The following ATP9B variants were observed in gnomAD, a reference collection of about 807,000 sequenced individuals.
ATP9B encodes probable phospholipid-transporting ATPase IIB.
Under a neutral mutation model 146.1 loss-of-function variants are expected in ATP9B, and 110 were observed. The observed-to-expected ratio is 0.75, with a 90% CI of 0.65 to 0.88. ATP9B has a LOEUF of 0.88. Ranked by LOEUF, ATP9B falls within the 40% of genes least tolerant of loss-of-function variation. ATP9B has a pLI of 0.00. For missense variants in ATP9B, 1,499 were observed against 1,496.4 expected, an observed-to-expected ratio of 1.00 and a Z score of -0.03; for synonymous variants, 604 against 569.7, an observed-to-expected ratio of 1.06 and a Z score of -0.86.
At chr18:79,341,466 T>C (rs113124898) in intron 19 of ATP9B, among the ~76,000 whole-genome samples, 1 of 38,956 alleles carries the variant, frequency 2.6e-5, no homozygotes, top group Non-Finnish European at 4.9e-5. Flanking sequence ...TTGAAGCCTG[T>C]GTTGCCGACA....
chr18:79,184,960 C>T (rs572935827), intron 8 of ATP9B, among the ~76,000 whole-genome samples: 9 of 146,306 alleles, frequency 6.2e-5, no homozygotes, highest in African/African-American at 2.4e-4. Flanking sequence ...AATCAAAACA[C>T]TATATTAGAA....
At chr18:79,284,675 GGTTA>G (rs2096415473) in intron 13 of ATP9B, among the ~76,000 whole-genome samples, 2 of 143,584 alleles carry the variant, frequency 1.4e-5, no homozygotes, top group Admixed American at 1.4e-4. Context: ...ACAATGTGCA[GGTTA>G]GTTACATATG....
intron 9 of ATP9B, among the ~76,000 whole-genome samples, chr18:79,202,007 G>A (rs77974758): frequency 6.6e-6 from 1 of 152,300 alleles, no homozygotes; most frequent in South Asian, 2.1e-4. Context: ...GCCCTGAGCT[G>A]TGATTGTACC....
intron 7 of ATP9B, among the ~76,000 whole-genome samples, chr18:79,174,384 C>T (rs1337926457): frequency 1.3e-5 from 2 of 152,200 alleles, no homozygotes; most frequent in South Asian, 2.1e-4. Flanking sequence ...TTACAGATTA[C>T]AACCACAATT....
At position 79,377,439 on chromosome 18, in the gene ATP9B, T is replaced by G. The variant is rs983267509; in HGVS notation, c.*56T>G. On this transcript the variant is annotated 3_prime_UTR_variant, in exon 30 of 30. Coordinates refer to ENST00000426216, the MANE Select transcript of ATP9B (RefSeq NM_198531.5). ...AGCACCTTCTGCCCTTCCCAGCACC[T>G]TGTGCCCTTGCCAGTGAACGCAGGG... The G allele has an allele frequency of 8.8e-6, 14 of 1,582,718 alleles. No individual in the cohort carries two copies. In the African/African-American group the frequency reaches 1.9e-4, roughly 21 times the overall value.
At chr18:79,275,651 G>A (rs571670716) in intron 12 of ATP9B, among the ~76,000 whole-genome samples, 4 of 152,252 alleles carry the variant, frequency 2.6e-5, no homozygotes, top group Non-Finnish European at 5.9e-5. Flanking sequence ...CGTCAGCATG[G>A]CCAGCCAGCA....
intron 15 of ATP9B, among the ~76,000 whole-genome samples, chr18:79,307,759 A>G (rs1194190294): frequency 6.6e-6 from 1 of 152,222 alleles, no homozygotes; most frequent in Non-Finnish European, 1.5e-5. Context: ...GTTATTTCTA[A>G]CTTTACATCA....
rs1216422996 is a variant in ATP9B at position 79,378,253 on chromosome 18, A to G, written c.*870A>G. 2.1e-4 allele frequency: 32 copies of G among 152,242 alleles called. No individual in the cohort carries two copies. Among genetic ancestry groups the G allele is most frequent in the Non-Finnish European group, 7.3e-5 (5 of 68,052 alleles). 9.4% of individuals were successfully genotyped at this position (152,242 alleles called of 1,614,324 possible). ...ATACTTGCATTTCGCTTTTCAGTAA[A>G]AACAGTCAAGTTACTGAGTTCTCAC... is the stretch of plus-strand genomic sequence containing the variant. On this transcript the variant is annotated 3_prime_UTR_variant, in exon 30 of 30. Transcript: ENST00000426216.
chr18:79,325,220 C>G (rs1402871427), intron 15 of ATP9B, among the ~76,000 whole-genome samples: 1 of 152,176 alleles, frequency 6.6e-6, no homozygotes, highest in African/African-American at 2.4e-5. Flanking sequence ...CAGATCACTT[C>G]TGCCCTCTGG....
intron 11 of ATP9B, among the ~76,000 whole-genome samples, chr18:79,215,272 G>A (rs541818880): frequency 2.0e-5 from 3 of 152,030 alleles, no homozygotes; most frequent in South Asian, 2.1e-4. Context: ...AAAGTCCTAG[G>A]CCGTTTGCAG....
intron 26 of ATP9B, chr18:79,361,770 G>T (rs969849068): frequency 2.0e-6 from 2 of 985,322 alleles, no homozygotes; most frequent in African/African-American, 3.5e-5. Flanking sequence ...GCAGCACTCT[G>T]CGTTGTTGTC....
intron 26 of ATP9B, among the ~76,000 whole-genome samples, chr18:79,365,942 G>A (rs2097025415): frequency 6.6e-6 from 1 of 152,174 alleles, no homozygotes; most frequent in Admixed American, 6.5e-5. Flanking sequence ...GCCTGTGTGT[G>A]ATGGAAGGAC....
At chr18:79,114,454 C>T (rs1211503528) in intron 4 of ATP9B, among the ~76,000 whole-genome samples, 1 of 152,076 alleles carries the variant, frequency 6.6e-6, no homozygotes, top group Non-Finnish European at 1.5e-5. Context: ...GGGTAGGCTC[C>T]GTCTCCCTAA....
intron 2 of ATP9B, among the ~76,000 whole-genome samples, chr18:79,103,665 TG>T (rs1387516657): frequency 6.6e-6 from 1 of 152,120 alleles, no homozygotes; most frequent in Non-Finnish European, 1.5e-5. Context: ...AGACGAGGGC[TG>T]AAAAAAATGG....
chr18:79,229,468 G>C (rs146912274), intron 11 of ATP9B, among the ~76,000 whole-genome samples: 214 of 152,290 alleles, frequency 1.4e-3, no homozygotes, highest in Non-Finnish European at 2.5e-3. Flanking sequence ...ACAGTATAGA[G>C]AGCAGAATTT....
At chr18:79,111,646 A>G (rs767378520) in intron 3 of ATP9B, among the ~76,000 whole-genome samples, 8 of 152,170 alleles carry the variant, frequency 5.3e-5, no homozygotes, top group Non-Finnish European at 1.0e-4. Context: ...ACGTTTTCCT[A>G]AAGGTCAGCA....
chr18:79,258,644 T>C (rs2096109317), intron 12 of ATP9B, among the ~76,000 whole-genome samples: 1 of 152,234 alleles, frequency 6.6e-6, no homozygotes, highest in African/African-American at 2.4e-5. Flanking sequence ...TAGCCGGCTT[T>C]CTGCGGGTCT....
At chr18:79,154,934 G>C (rs2094751448) in intron 7 of ATP9B, among the ~76,000 whole-genome samples, 1 of 152,140 alleles carries the variant, frequency 6.6e-6, no homozygotes, top group African/African-American at 2.4e-5. Context: ...ATTTAAAAGG[G>C]TGTTTGCTGT....
At chr18:79,218,465 G>A (rs1349405836) in intron 11 of ATP9B, among the ~76,000 whole-genome samples, 2 of 145,130 alleles carry the variant, frequency 1.4e-5, no homozygotes, top group Non-Finnish European at 3.0e-5. Flanking sequence ...GGCAGCTCCT[G>A]CTGGTCATAT....
Sources: allele counts gnomAD v4.1 joint callset (sites outside exome capture counted in the v4.1 genomes callset), GRCh38; gene constraint gnomAD v4.1.1; transcripts MANE v1.5; gene names NCBI Gene and HGNC (gene_info 2026-07-23, HGNC 2026-07-21).